Variants in CLSTN2 observed in about 807,000 individuals in gnomAD.
The protein encoded by CLSTN2 is calsyntenin-2.
CLSTN2 carries 48 observed loss-of-function variants against 101.2 expected under a neutral mutation model. The observed-to-expected ratio is 0.47, with a 90% CI of 0.38 to 0.60. The LOEUF is 0.60. Among genes scored for constraint, CLSTN2 ranks in the 20% least tolerant of loss-of-function variants. The pLI is 0.00. For synonymous variants in CLSTN2, 481 were observed against 463.6 expected (o/e 1.04, Z -0.48); for missense variants, 1,160 against 1,238.2 (o/e 0.94, Z 0.95).
At chr3:140,050,243 A>G (rs754255870) in intron 1 of CLSTN2, among the ~76,000 whole-genome samples, 12 of 152,192 alleles carry the variant, frequency 7.9e-5, no homozygotes, top group Non-Finnish European at 1.6e-4. Context: ...GGTCAACGCC[A>G]TCTCTCCAAG....
chr3:140,363,044 G>A (rs929965950), intron 2 of CLSTN2, among the ~76,000 whole-genome samples: 4 of 151,958 alleles, frequency 2.6e-5, no homozygotes, highest in Non-Finnish European at 5.9e-5. Context: ...ATTAATGGAA[G>A]TATTATTTAT....
chr3:140,009,434 A>C (rs115703053), intron 1 of CLSTN2, among the ~76,000 whole-genome samples: 1,598 of 152,312 alleles, frequency 0.01, 16 homozygotes, highest in Non-Finnish European at 0.017. Flanking sequence ...GAAATAATGA[A>C]TGTGAGTGTT....
In CLSTN2 at chr3:139,950,202, G is replaced by A. The variant is rs552448440; in HGVS notation, c.109+14719G>A. On this transcript the variant is annotated intron_variant, in intron 1 of 16. Transcript: ENST00000458420. ...CCCTTATGGGAATCCATAAGGATAG[G>A]CTGGTTTGGTTCTGAGTGATAAAGC... 2.0e-5 allele frequency among the ~76,000 whole-genome samples: 3 copies of A among 152,264 alleles called. No individual in the cohort carries two copies. The East Asian group carries it at 5.8e-4, about 29-fold the overall frequency.
intron 1 of CLSTN2, among the ~76,000 whole-genome samples, chr3:140,123,664 G>C (rs1348030096): frequency 6.6e-6 from 1 of 152,062 alleles, no homozygotes; most frequent in Non-Finnish European, 1.5e-5. Context: ...AATTTTGGAG[G>C]CTGAAAGTCC....
intron 1 of CLSTN2, among the ~76,000 whole-genome samples, chr3:140,015,534 G>T (rs1374933831): frequency 6.6e-6 from 1 of 152,238 alleles, no homozygotes; most frequent in African/African-American, 2.4e-5. Flanking sequence ...TGGATAAGGA[G>T]TGTGAGAGAA....
chr3:139,987,453 G>A (rs940424726), intron 1 of CLSTN2, among the ~76,000 whole-genome samples: 3 of 152,224 alleles, frequency 2.0e-5, no homozygotes, highest in African/African-American at 7.2e-5. Flanking sequence ...GTAATTGGCT[G>A]AGCTAATCAG....
intron 5 of CLSTN2, among the ~76,000 whole-genome samples, chr3:140,445,272 A>G (rs894647284): frequency 2.0e-5 from 3 of 152,138 alleles, no homozygotes; most frequent in Admixed American, 6.5e-5. Flanking sequence ...TTGCTTGTTT[A>G]TTTGAACTCC....
chr3:140,539,984 C>T (rs371195967), intron 9 of CLSTN2, among the ~76,000 whole-genome samples: 5 of 152,166 alleles, frequency 3.3e-5, no homozygotes, highest in African/African-American at 1.2e-4. Context: ...ACAGGCCCAT[C>T]AGACATCATG....
At chr3:140,514,597 C>G (rs1373713375) in intron 8 of CLSTN2, among the ~76,000 whole-genome samples, 1 of 152,120 alleles carries the variant, frequency 6.6e-6, no homozygotes, top group Non-Finnish European at 1.5e-5. Context: ...ACATGCGTGT[C>G]AAGTATCTTT....
At chr3:139,963,720 T>C (rs56232759) in intron 1 of CLSTN2, among the ~76,000 whole-genome samples, 5,315 of 152,184 alleles carry the variant, frequency 0.035, 342 homozygotes, top group African/African-American at 0.12. Flanking sequence ...CAGTTTCATG[T>C]TTGTTTGTTT....
At chr3:140,249,762 C>T (rs1045104857) in intron 2 of CLSTN2, among the ~76,000 whole-genome samples, 12 of 152,162 alleles carry the variant, frequency 7.9e-5, no homozygotes, top group Admixed American at 2.0e-4. Context: ...ATTTCACCTA[C>T]CATTCTTGGA....
chr3:140,460,590 T>C (rs1576580400), intron 7 of CLSTN2, among the ~76,000 whole-genome samples: 1 of 152,192 alleles, frequency 6.6e-6, no homozygotes, highest in East Asian at 1.9e-4. Context: ...AAACATTCCT[T>C]AGAGGTTGAC....
At chr3:140,333,050 A>G (rs1186765717) in intron 2 of CLSTN2, among the ~76,000 whole-genome samples, 1 of 152,186 alleles carries the variant, frequency 6.6e-6, no homozygotes. Context: ...GAGACAGTAC[A>G]GCTGTAAGTA....
chr3:139,993,853 A>T (rs899955725), intron 1 of CLSTN2, among the ~76,000 whole-genome samples: 4 of 152,016 alleles, frequency 2.6e-5, no homozygotes, highest in East Asian at 1.9e-4. Context: ...TAAAGAAAGT[A>T]TATGACAAGT....
intron 2 of CLSTN2, among the ~76,000 whole-genome samples, chr3:140,231,376 G>A (rs1381337955): frequency 6.6e-6 from 1 of 152,080 alleles, no homozygotes; most frequent in Admixed American, 6.5e-5. Context: ...CACAAAAAGA[G>A]ATTGAAAAAC....
intron 1 of CLSTN2, among the ~76,000 whole-genome samples, chr3:140,160,094 C>T (rs141126809): frequency 1.3e-4 from 20 of 152,020 alleles, no homozygotes; most frequent in African/African-American, 4.3e-4. Flanking sequence ...GGATCTATAT[C>T]CTAAGCCTCA....
intron 1 of CLSTN2, among the ~76,000 whole-genome samples, chr3:140,037,489 T>C (rs540818814): frequency 6.6e-6 from 1 of 152,152 alleles, no homozygotes; most frequent in Non-Finnish European, 1.5e-5. Flanking sequence ...ATAATCTGGA[T>C]GATGTTATGT....
intron 2 of CLSTN2, among the ~76,000 whole-genome samples, chr3:140,313,318 G>T (rs995373666): frequency 1.3e-5 from 2 of 152,144 alleles, no homozygotes; most frequent in African/African-American, 2.4e-5. Context: ...CTGAGACTCA[G>T]AGCTTTCTGA....
At chr3:140,458,118 G>C (rs895454619) in intron 6 of CLSTN2, among the ~76,000 whole-genome samples, 5 of 151,992 alleles carry the variant, frequency 3.3e-5, no homozygotes, top group Admixed American at 2.6e-4. Flanking sequence ...CTGATTTCCA[G>C]CATGGCATCT....
Sources: allele counts gnomAD v4.1 joint callset (sites outside exome capture counted in the v4.1 genomes callset), GRCh38; gene constraint gnomAD v4.1.1; transcripts MANE v1.5; gene names NCBI Gene and HGNC (gene_info 2026-07-23, HGNC 2026-07-21).